Variants in PARP15 observed in about 807,000 individuals in gnomAD.
PARP15 encodes the protein protein mono-ADP-ribosyltransferase PARP15.
In PARP15, 50 loss-of-function variants were observed where a neutral mutation model predicts 62.1. That is an observed-to-expected ratio of 0.81 (90% confidence interval 0.64 to 1.02). The LOEUF is 1.02. PARP15 is among the 50% of genes least tolerant of loss of function. PARP15 has a pLI of 0.00. For missense variants in PARP15, 820 were observed against 826.5 expected (o/e 0.99, Z 0.10); for synonymous variants, 309 against 293.1 (o/e 1.05, Z -0.55).
chr3:122,615,628 C>A, intron 4 of PARP15, 151 bp from the exon 5 acceptor site: 2 of 1,491,950 alleles, frequency 1.3e-6, no homozygotes, highest in Non-Finnish European at 1.8e-6. Flanking sequence ...CTAGGTTGAA[C>A]CGCAATCCTT....
Position 122,615,876 on chromosome 3 carries a change from G to C in PARP15, c.850+19G>C. The C allele has an allele frequency of 6.3e-7, 1 of 1,597,796 alleles. No individual in the cohort carries two copies. The highest frequency in any genetic ancestry group is 8.6e-7 in the Non-Finnish European group (1 of 1,166,954). On this transcript the variant is annotated intron_variant, in intron 5 of 11. Transcript: ENST00000464300. ...ACCCAAGGTCTGGTAAAGTCGTTCT[G>C]CTAAGGAAATATTTCCTTTTGCTGA...
At chr3:122,616,415 C>T (rs982176196) in intron 5 of PARP15, among the ~76,000 whole-genome samples, 4 of 151,232 alleles carry the variant, frequency 2.6e-5, no homozygotes, top group Admixed American at 2.0e-4. Flanking sequence ...CTACAAACCC[C>T]GCCTCCTGGG....
At chr3:122,605,613 A>G (rs911337325) in intron 1 of PARP15, among the ~76,000 whole-genome samples, 1 of 152,110 alleles carries the variant, frequency 6.6e-6, no homozygotes, top group African/African-American at 2.4e-5. Context: ...TCGCTTTGTT[A>G]CGCAGGCTGG....
At position 122,577,873 on chromosome 3, in the gene PARP15, G is replaced by C; in HGVS notation, c.186+20G>C. The stretch of plus-strand genomic sequence containing the variant: ...AGTATGGTGAGGAGCGCGGGGGACG[G>C]GTGCGGGAAGGGGACAGCAGGGCTG... On this transcript the variant is annotated intron_variant, in intron 1 of 11. Coordinates refer to ENST00000464300, the MANE Select transcript of PARP15 (RefSeq NM_001113523.3). 1.3e-6 allele frequency: 2 copies of C among 1,528,440 alleles called. No homozygotes were observed. Among genetic ancestry groups the C allele is most frequent in the East Asian group, 2.5e-5 (1 of 40,676 alleles). 94.7% of individuals were successfully genotyped at this position (1,528,440 alleles called of 1,614,324 possible).
intron 1 of PARP15, among the ~76,000 whole-genome samples, chr3:122,578,937 T>C (rs1033617814): frequency 1.3e-5 from 2 of 152,224 alleles, no homozygotes; most frequent in Non-Finnish European, 2.9e-5. Context: ...CAATTGTAGA[T>C]ACTGGTACTT....
chr3:122,629,384 G>A (rs887249952), intron 9 of PARP15, among the ~76,000 whole-genome samples: 1 of 152,118 alleles, frequency 6.6e-6, no homozygotes, highest in African/African-American at 2.4e-5. Flanking sequence ...CCACCCACCG[G>A]CCTCTCAAAG....
At chr3:122,606,264 G>T (rs963609265) in intron 2 of PARP15, among the ~76,000 whole-genome samples, 1 of 152,112 alleles carries the variant, frequency 6.6e-6, no homozygotes, top group African/African-American at 2.4e-5. Context: ...ATGTGGAGGG[G>T]TTCAAGTTTA....
At chr3:122,608,955 G>A (rs945855238) in intron 2 of PARP15, among the ~76,000 whole-genome samples, 20 of 151,654 alleles carry the variant, frequency 1.3e-4, no homozygotes, top group African/African-American at 4.3e-4. Flanking sequence ...AAGTCTCACT[G>A]TGTTGCTCAG....
chr3:122,632,579 C>T (rs1392653647), intron 10 of PARP15, among the ~76,000 whole-genome samples: 1 of 152,232 alleles, frequency 6.6e-6, no homozygotes, highest in Admixed American at 6.5e-5. Flanking sequence ...GTTGCTCCAA[C>T]TTTGCTGTCC....
chr3:122,600,304 G>A (rs1934690109), intron 1 of PARP15, among the ~76,000 whole-genome samples: 2 of 152,034 alleles, frequency 1.3e-5, no homozygotes, highest in South Asian at 2.1e-4. Flanking sequence ...AGACCACTAA[G>A]TGATGGTCTA....
chr3:122,590,650 T>TC (rs1435904249), intron 1 of PARP15, among the ~76,000 whole-genome samples: 8 of 118,646 alleles, frequency 6.7e-5, no homozygotes, highest in Admixed American at 5.5e-4. Flanking sequence ...TTTTACTACT[T>TC]CTAAGGAGAG....
intron 5 of PARP15, 71 bp from the exon 6 acceptor site, chr3:122,616,944 G>A: frequency 6.6e-7 from 1 of 1,519,772 alleles, no homozygotes; most frequent in Non-Finnish European, 9.0e-7. Context: ...AAGAGAATAG[G>A]GCCCCAAGAT....
chr3:122,626,612 T>G (rs1936744976), intron 8 of PARP15, among the ~76,000 whole-genome samples: 1 of 152,208 alleles, frequency 6.6e-6, no homozygotes. Flanking sequence ...AGTCTTGTTT[T>G]TGTGTTAATT....
intron 1 of PARP15, among the ~76,000 whole-genome samples, chr3:122,591,359 A>G (rs1445492018): frequency 2.0e-5 from 3 of 152,250 alleles, no homozygotes; most frequent in Non-Finnish European, 4.4e-5. Flanking sequence ...CCAAGACGTC[A>G]TGACTGAGAA....
chr3:122,602,597 T>G (rs1444515199), intron 1 of PARP15, among the ~76,000 whole-genome samples: 1 of 152,248 alleles, frequency 6.6e-6, no homozygotes, highest in Non-Finnish European at 1.5e-5. Flanking sequence ...TTCTTTCAAT[T>G]ATAGCACAAA....
intron 3 of PARP15, among the ~76,000 whole-genome samples, 165 bp from the exon 4 acceptor site, chr3:122,612,876 T>C (rs1378589741): frequency 6.6e-6 from 1 of 152,224 alleles, no homozygotes; most frequent in Non-Finnish European, 1.5e-5. Flanking sequence ...TGACTCTCTC[T>C]GGAAAGTACT....
chr3:122,587,288 TGTCAA>T (rs1362873788), intron 1 of PARP15, among the ~76,000 whole-genome samples: 1 of 152,248 alleles, frequency 6.6e-6, no homozygotes, highest in Non-Finnish European at 1.5e-5. Flanking sequence ...GGGCAAAAGT[TGTCAA>T]GTCATTTGGG....
At chr3:122,611,614 C>T (rs113056996) in intron 3 of PARP15, among the ~76,000 whole-genome samples, 4,423 of 152,296 alleles carry the variant, frequency 0.029, 97 homozygotes, top group Non-Finnish European at 0.043. Context: ...GCTGGGATTA[C>T]AGGCATGAGC....
intron 1 of PARP15, among the ~76,000 whole-genome samples, chr3:122,594,124 T>G (rs1442126069): frequency 6.6e-6 from 1 of 152,222 alleles, no homozygotes; most frequent in East Asian, 1.9e-4. Flanking sequence ...TCCTGACTTC[T>G]GAGTGTATTT....
Sources: gnomAD v4.1 joint callset for allele counts (sites outside exome capture counted in the v4.1 genomes callset) on GRCh38, gnomAD v4.1.1 for gene constraint, MANE v1.5 for transcripts, NCBI Gene and HGNC (gene_info 2026-07-23, HGNC 2026-07-21) for gene names.